NCAM2: variants seen among roughly 807,000 people sequenced by gnomAD.
NCAM2 encodes the protein neural cell adhesion molecule 2.
Under a neutral mutation model 98.1 loss-of-function variants are expected in NCAM2, and 30 were observed. The ratio of observed to expected loss-of-function variants is 0.31; its 90% CI spans 0.23 to 0.41. The LOEUF is 0.41. Among genes scored for constraint, NCAM2 ranks in the 10% least tolerant of loss-of-function variants. The pLI is 1.00. For missense variants in NCAM2, 867 were observed against 1,005.8 expected (o/e 0.86, Z 1.87); for synonymous variants, 368 against 342.4 (o/e 1.07, Z -0.83).
At chr21:21,369,797 C>T (rs2075873552) in intron 8 of NCAM2, among the ~76,000 whole-genome samples, 1 of 150,654 alleles carries the variant, frequency 6.6e-6, no homozygotes, top group Admixed American at 6.7e-5. Context: ...CATATCTTAC[C>T]CCTTCAACCT....
intron 7 of NCAM2, among the ~76,000 whole-genome samples, chr21:21,336,411 G>A (rs2074869915): frequency 6.7e-6 from 1 of 150,362 alleles, no homozygotes; most frequent in African/African-American, 2.4e-5. Context: ...ACTGGGGCCT[G>A]TTGTGGGGTG....
chr21:21,175,256 C>T (rs1160384497), intron 1 of NCAM2, among the ~76,000 whole-genome samples: 4 of 152,102 alleles, frequency 2.6e-5, no homozygotes, highest in Middle Eastern at 3.4e-3. Context: ...GGGTGGTGGC[C>T]GGGTACCGTG....
intron 8 of NCAM2, among the ~76,000 whole-genome samples, chr21:21,365,633 A>G (rs777547564): frequency 6.6e-6 from 1 of 152,040 alleles, no homozygotes; most frequent in Non-Finnish European, 1.5e-5. Flanking sequence ...AGGCGAGAAC[A>G]CTACCCGATC....
At chr21:21,149,211 A>G (rs1306149185) in intron 1 of NCAM2, among the ~76,000 whole-genome samples, 1 of 152,142 alleles carries the variant, frequency 6.6e-6, no homozygotes, top group Non-Finnish European at 1.5e-5. Flanking sequence ...CCTTTTCCAT[A>G]TAAATTTAAA....
chr21:21,219,488 T>A lies in NCAM2; in HGVS notation c.56-61090T>A, dbSNP rs77906456. Among the ~76,000 whole-genome samples the A allele has an allele frequency of 6.9e-3, 1,046 of 152,324 alleles. 6 individuals carry two copies. The highest frequency in any genetic ancestry group is 0.029 in the East Asian group (151 of 5,180). The stretch of plus-strand genomic sequence containing the variant: ...AAAATTTCCTATCACCTAGTGACAT[T>A]GTAGACTTTATTACATCATGGTGAA... On this transcript the variant is annotated intron_variant, in intron 1 of 17. Coordinates refer to ENST00000400546, the MANE Select transcript of NCAM2 (RefSeq NM_004540.5).
intron 1 of NCAM2, among the ~76,000 whole-genome samples, chr21:21,134,583 A>G (rs2067003435): frequency 6.6e-6 from 1 of 152,200 alleles, no homozygotes; most frequent in Non-Finnish European, 1.5e-5. Flanking sequence ...AAAACTGTCT[A>G]TCATTTTCAT....
chr21:21,176,109 T>A (rs1403404070), intron 1 of NCAM2, among the ~76,000 whole-genome samples: 1 of 152,122 alleles, frequency 6.6e-6, no homozygotes. Context: ...AGCATTAGGG[T>A]AGCTGAGATA....
chr21:21,345,477 G>T (rs574644378), intron 8 of NCAM2, among the ~76,000 whole-genome samples: 1 of 152,110 alleles, frequency 6.6e-6, no homozygotes, highest in African/African-American at 2.4e-5. Context: ...GAAAAATGCA[G>T]CAGGCATATT....
intron 16 of NCAM2, among the ~76,000 whole-genome samples, chr21:21,511,123 A>G (rs1213850535): frequency 6.6e-6 from 1 of 152,060 alleles, no homozygotes; most frequent in Non-Finnish European, 1.5e-5. Flanking sequence ...CTAGGAACAC[A>G]TTCCAATTCT....
At chr21:21,109,541 C>G (rs2066413702) in intron 1 of NCAM2, among the ~76,000 whole-genome samples, 1 of 151,928 alleles carries the variant, frequency 6.6e-6, no homozygotes, top group African/African-American at 2.4e-5. Flanking sequence ...TTCTTCATTT[C>G]ATTCAATTAT....
chr21:21,151,006 TTTGA>T (rs915845893), intron 1 of NCAM2, among the ~76,000 whole-genome samples: 5 of 151,944 alleles, frequency 3.3e-5, no homozygotes, highest in Admixed American at 6.6e-5. Context: ...TCGTGATATG[TTTGA>T]TTGATACCAT....
intron 15 of NCAM2, among the ~76,000 whole-genome samples, chr21:21,503,068 G>T (rs937859136): frequency 2.0e-5 from 3 of 151,778 alleles, no homozygotes; most frequent in African/African-American, 7.3e-5. Flanking sequence ...TATTGCAGTT[G>T]GGATTTAATT....
Position 21,410,430 on chromosome 21 carries a change from C to G in NCAM2, c.1352C>G (p.Thr451Ser), listed in dbSNP as rs778376789. The change falls in exon 10 of 18, where the codon ACT (threonine) becomes AGT (serine). Residue 451 changes from threonine to serine, a missense_variant. Physicochemically the swap from Thr to Ser is moderately conservative, Grantham distance 58 (BLOSUM62 1). This residue lies in a region of NCAM2 where 56 missense variants were observed against 39.6 expected (regional missense o/e 1.41). Transcript: ENST00000400546. Reference sequence around the variant, plus strand: ...GCTAAAAACACGACCAATTTAAAGACTTATAGTACAGGAAGAAAGATGATA... The same window carrying G: ...GCTAAAAACACGACCAATTTAAAGAGTTATAGTACAGGAAGAAAGATGATA... The part of the protein sequence containing the change: ...LPAKNTTNLK[T>S]YSTGRKMILE... The G allele has an allele frequency of 9.5e-6, 15 of 1,575,558 alleles. No individual in the cohort carries two copies. The highest frequency in any genetic ancestry group is 1.7e-6 in the Non-Finnish European group (2 of 1,161,360).
intron 1 of NCAM2, among the ~76,000 whole-genome samples, chr21:21,016,496 ACAC>A (rs1721482945): frequency 6.6e-6 from 1 of 152,118 alleles, no homozygotes; most frequent in Admixed American, 6.6e-5. Flanking sequence ...CTAACTGACA[ACAC>A]TGTCAGTGGC....
At chr21:21,087,674 T>A (rs548015862) in intron 1 of NCAM2, among the ~76,000 whole-genome samples, 13 of 152,266 alleles carry the variant, frequency 8.5e-5, no homozygotes, top group African/African-American at 2.9e-4. Context: ...GCACTCTGGG[T>A]CACAGACAGG....
intron 4 of NCAM2, among the ~76,000 whole-genome samples, chr21:21,291,479 G>GCACA (rs140253595): frequency 4.7e-5 from 7 of 147,830 alleles, no homozygotes; most frequent in African/African-American, 5.0e-5. Context: ...ATATGCATGT[G>GCACA]CACACACACA....
intron 9 of NCAM2, among the ~76,000 whole-genome samples, chr21:21,395,433 T>C (rs542748469): frequency 6.6e-6 from 1 of 152,340 alleles, no homozygotes; most frequent in East Asian, 1.9e-4. Context: ...GGTTAGGTTT[T>C]GACCATACTG....
At chr21:21,303,218 G>GA (rs113495025) in intron 5 of NCAM2, among the ~76,000 whole-genome samples, 46,620 of 144,936 alleles carry the variant, frequency 0.32, 7,872 homozygotes, top group African/African-American at 0.45. Flanking sequence ...ATCTAAAGTT[G>GA]AAAAAAAAAA....
intron 15 of NCAM2, among the ~76,000 whole-genome samples, chr21:21,482,019 A>G (rs1985932334): frequency 6.6e-6 from 1 of 151,602 alleles, no homozygotes; most frequent in East Asian, 1.9e-4. Flanking sequence ...AATTGCTTGA[A>G]CCCGGGAGTT....
Sources: allele counts gnomAD v4.1 joint callset (sites outside exome capture counted in the v4.1 genomes callset), GRCh38; gene constraint gnomAD v4.1.1; regional missense constraint gnomAD v4.1.1; transcripts MANE v1.5; gene names NCBI Gene and HGNC (gene_info 2026-07-23, HGNC 2026-07-21).